MYOF: variants seen among roughly 807,000 people sequenced by gnomAD.
MYOF encodes fer-1-like 3, myoferlin.
A neutral mutation model predicts 284.2 loss-of-function variants in MYOF; 244 were observed. That is an observed-to-expected ratio of 0.86 (90% confidence interval 0.77 to 0.95). The LOEUF (loss-of-function observed/expected upper bound fraction) is 0.95. Ranked by LOEUF, MYOF falls within the 40% of genes least tolerant of loss-of-function variation. The probability of loss-of-function intolerance (pLI) is 0.00; values close to 1 mark genes in which losing one functional copy is unlikely to be tolerated. For missense variants in MYOF, 2,496 were observed against 2,560.6 expected (o/e 0.97, Z 0.54); for synonymous variants, 904 against 919.7 (o/e 0.98, Z 0.31).
At chr10:93,441,145 C>T (rs1407615296) in intron 3 of MYOF, among the ~76,000 whole-genome samples, 3 of 152,172 alleles carry the variant, frequency 2.0e-5, no homozygotes, top group Non-Finnish European at 4.4e-5. Context: ...TCCTCACCAA[C>T]CAACCCCAGG....
chr10:93,380,094 G>GA, intron 20 of MYOF, 107 bp from the exon 21 acceptor site: 1 of 1,387,164 alleles, frequency 7.2e-7, no homozygotes, highest in East Asian at 2.4e-5. Flanking sequence ...CAGGCTTGGG[G>GA]AATAGCTTGA....
At chr10:93,464,673 T>A (rs986079390) in intron 1 of MYOF, among the ~76,000 whole-genome samples, 1 of 152,060 alleles carries the variant, frequency 6.6e-6, no homozygotes, top group African/African-American at 2.4e-5. Context: ...AATCTCTAAG[T>A]TTTCCCCCAG....
In MYOF at chr10:93,322,391, T is replaced by C. The variant is rs1842879289; in HGVS notation, c.5456+687A>G. On this transcript the variant is annotated intron_variant, in intron 48 of 53. Transcript: ENST00000359263. ...GGAAGAATAATCATTATCACCATTT[T>C]ACAGATGAGGAACAGCGAGCTAACT... Among the ~76,000 whole-genome samples, 3 of 152,172 alleles carry C rather than the reference T, an allele frequency of 2.0e-5. 1 individual carries two copies. The South Asian group carries it at 6.2e-4, about 31-fold the overall frequency.
chr10:93,396,918 G>T (rs1847038092), intron 15 of MYOF, among the ~76,000 whole-genome samples: 1 of 152,062 alleles, frequency 6.6e-6, no homozygotes, highest in Admixed American at 6.5e-5. Flanking sequence ...GAATGTTTTG[G>T]TGATTCTTCC....
At chr10:93,388,165 G>A (rs1252601365) in intron 18 of MYOF, among the ~76,000 whole-genome samples, 1 of 144,814 alleles carries the variant, frequency 6.9e-6, no homozygotes, top group African/African-American at 2.5e-5. Context: ...TGTGACCAAG[G>A]TCAGAGGTCT....
intron 19 of MYOF, among the ~76,000 whole-genome samples, chr10:93,383,775 G>A (rs535672573): frequency 6.6e-6 from 1 of 152,180 alleles, no homozygotes; most frequent in Non-Finnish European, 1.5e-5. Context: ...AGGAGAAAAT[G>A]ACCGGTATTT....
chr10:93,378,456 C>G (rs1457812296), intron 21 of MYOF, among the ~76,000 whole-genome samples: 1 of 151,894 alleles, frequency 6.6e-6, no homozygotes, highest in Non-Finnish European at 1.5e-5. Flanking sequence ...CTATAGTTAT[C>G]CTCCCAGATT....
Position 93,408,873 on chromosome 10 carries a change from T to C in MYOF, c.643A>G (p.Asn215Asp). 6.2e-7 allele frequency: 1 copy of C among 1,614,254 alleles called. No homozygotes were observed. Among genetic ancestry groups the C allele is most frequent in the African/African-American group, 1.3e-5 (1 of 75,058 alleles). The change falls in exon 7 of 54, where the codon AAC (asparagine) becomes GAC (aspartate). Residue 215 changes from asparagine to aspartate, a missense_variant. This residue lies in a region of MYOF where 2,436 missense variants were observed against 2,480.7 expected (regional missense o/e 0.98). Transcript: ENST00000359263. ...TGAACTTTGACCACAGGCCTTATGT[T>C]GTTACCACTTAACTGTCGGCCCTCA... ...VIEGRQLSGN[N>D]IRPVVKVHVC...
chr10:93,331,480 C>T (rs973657851), intron 43 of MYOF, among the ~76,000 whole-genome samples: 22 of 152,306 alleles, frequency 1.4e-4, no homozygotes, highest in Middle Eastern at 3.4e-3. Context: ...TCCTCTGAGA[C>T]GAGCAATTCA....
Position 93,397,173 on chromosome 10 carries a change from A to G in MYOF, c.1334+74T>C, listed in dbSNP as rs1847057671. Reference sequence around the variant, plus strand: ...GGAAAGCAAAATACCAGAAAGAGACAATCCAGAGTAATGTTTCACAATATC... The same window carrying G: ...GGAAAGCAAAATACCAGAAAGAGACGATCCAGAGTAATGTTTCACAATATC... On this transcript the variant is annotated intron_variant, in intron 15 of 53. Transcript: ENST00000359263. 7.0e-6 allele frequency: 9 copies of G among 1,284,324 alleles called. No homozygotes were observed. In the African/African-American group the frequency reaches 7.5e-5, roughly 11 times the overall value. 79.6% of individuals were successfully genotyped at this position (1,284,324 alleles called of 1,614,324 possible).
intron 1 of MYOF, among the ~76,000 whole-genome samples, chr10:93,471,629 C>T (rs2134387717): frequency 6.6e-6 from 1 of 152,334 alleles, no homozygotes; most frequent in African/African-American, 2.4e-5. Flanking sequence ...TGCCTCACGC[C>T]TGTAATCCCA....
intron 22 of MYOF, 81 bp downstream of exon 22, chr10:93,377,242 A>G: frequency 9.7e-7 from 1 of 1,034,144 alleles, no homozygotes; most frequent in South Asian, 1.4e-5. Context: ...ACTAGAAACA[A>G]TTCCACAGGA....
chr10:93,338,556 G>A, intron 39 of MYOF: 1 of 454,778 alleles, frequency 2.2e-6, no homozygotes, highest in Non-Finnish European at 4.4e-6. Flanking sequence ...AGTTGTTCTG[G>A]AAATCATATG....
chr10:93,457,075 T>G, intron 1 of MYOF, 138 bp from the exon 2 acceptor site: 2 of 623,466 alleles, frequency 3.2e-6, no homozygotes, highest in South Asian at 2.2e-5. Context: ...GGATGGGTGT[T>G]TACCTGAATC....
At position 93,361,477 on chromosome 10, in the gene MYOF, G is replaced by A. The variant is rs2133928553; in HGVS notation, c.2949C>T (p.Asp983=). The part of the protein sequence containing the change: ...WEWEDDAWSY[D]INRAVDEKGW... ...CTTTCTCATCCACCGCTCGATTTATGTCATAAGACCATGCATCATCTTCCC... is the reference window on the plus strand; with the variant it reads ...CTTTCTCATCCACCGCTCGATTTATATCATAAGACCATGCATCATCTTCCC... Residue 983 remains aspartate, a synonymous_variant, in exon 28 of 54, where the codon GAC becomes GAT. Coordinates refer to ENST00000359263, the MANE Select transcript of MYOF (RefSeq NM_013451.4). 1 of 1,614,142 alleles carries A rather than the reference G, an allele frequency of 6.2e-7. No individual in the cohort carries two copies. Among genetic ancestry groups the A allele is most frequent in the Middle Eastern group, 1.6e-4 (1 of 6,062 alleles).
intron 43 of MYOF, among the ~76,000 whole-genome samples, 177 bp downstream of exon 43, chr10:93,333,044 T>C (rs1310605362): frequency 6.6e-6 from 1 of 152,192 alleles, no homozygotes; most frequent in Non-Finnish European, 1.5e-5. Flanking sequence ...TCTTCACTTC[T>C]GTGAAGTTCT....
chr10:93,412,007 T>G (rs1361992198), intron 5 of MYOF, among the ~76,000 whole-genome samples: 1 of 152,194 alleles, frequency 6.6e-6, no homozygotes, highest in African/African-American at 2.4e-5. Context: ...ACTCTGTAGA[T>G]CCTCACTTCA....
intron 26 of MYOF, 101 bp downstream of exon 26, chr10:93,366,291 C>G: frequency 7.8e-7 from 1 of 1,282,646 alleles, no homozygotes; most frequent in Non-Finnish European, 1.1e-6. Context: ...GTGGGTGTTA[C>G]ATAACTATTA....
chr10:93,329,574 A>C (rs1843209431), intron 44 of MYOF, 90 bp downstream of exon 44: 1 of 1,362,636 alleles, frequency 7.3e-7, no homozygotes, highest in African/African-American at 1.4e-5. Flanking sequence ...TGGCTCAGTG[A>C]AGGAAGGCAC....
Sources: allele counts gnomAD v4.1 joint callset (sites outside exome capture counted in the v4.1 genomes callset), GRCh38; gene constraint gnomAD v4.1.1; regional missense constraint gnomAD v4.1.1; transcripts MANE v1.5; gene names NCBI Gene and HGNC (gene_info 2026-07-23, HGNC 2026-07-21).